NIBAN2: variants seen among roughly 807,000 people sequenced by gnomAD.
NIBAN2 encodes the protein protein Niban 2.
A neutral mutation model predicts 81.8 loss-of-function variants in NIBAN2; 36 were observed. The ratio of observed to expected loss-of-function variants is 0.44; its 90% CI spans 0.34 to 0.58. NIBAN2 has a LOEUF of 0.58. Among genes scored for constraint, NIBAN2 ranks in the 20% least tolerant of loss-of-function variants. The pLI, the probability that NIBAN2 is intolerant of heterozygous loss-of-function variation, is 0.02. For synonymous variants in NIBAN2, 445 were observed against 441.6 expected, an observed-to-expected ratio of 1.01 and a Z score of -0.10; for missense variants, 897 against 1,014.1, an observed-to-expected ratio of 0.88 and a Z score of 1.57.
intron 1 of NIBAN2, among the ~76,000 whole-genome samples, chr9:127,564,292 C>CAA (rs60378955): frequency 1.9e-4 from 20 of 102,756 alleles, no homozygotes; most frequent in Admixed American, 3.1e-4. Context: ...GACTCTGTAT[C>CAA]AAAAAAAAAA....
At chr9:127,567,235 A>T (rs1837873817) in intron 1 of NIBAN2, among the ~76,000 whole-genome samples, 1 of 152,028 alleles carries the variant, frequency 6.6e-6, no homozygotes, top group Non-Finnish European at 1.5e-5. Context: ...GGCACACCCC[A>T]CCCAGGCCCC....
chr9:127,521,723 GA>G (rs1564300576), intron 5 of NIBAN2, among the ~76,000 whole-genome samples: 1 of 152,176 alleles, frequency 6.6e-6, no homozygotes, highest in African/African-American at 2.4e-5. Flanking sequence ...CACCCGGCAG[GA>G]CACCTTCCTG....
At position 127,507,271 on chromosome 9, in the gene NIBAN2, G is replaced by A. The variant is rs374077953; in HGVS notation, c.1815C>T (p.Ser605=). 115 of 1,595,668 alleles carry A rather than the reference G, an allele frequency of 7.2e-5. No individual in the cohort carries two copies. The highest frequency in any genetic ancestry group is 9.4e-5 in the Non-Finnish European group (110 of 1,168,160). ...CCGAGAGGGTGGCTGACTCCGGGGT[G>A]CTGGGGCTGGGGCTGCCGCCCCCGC... ...NSGGGGSPSP[S]TPESATLSEK... Residue 605 remains serine, a synonymous_variant, in exon 14 of 14, where the codon AGC becomes AGT. Coordinates refer to ENST00000373312, the MANE Select transcript of NIBAN2 (RefSeq NM_022833.4). The surrounding 1 kb of genome is among the most constrained non-coding windows in gnomAD (Gnocchi z 6.8).
rs769862019 is a variant in NIBAN2, at chr9:127,507,142, G to A, written c.1944C>T (p.Asp648=). The A allele has an allele frequency of 1.1e-5, 18 of 1,604,298 alleles. No homozygotes were observed. Among genetic ancestry groups the A allele is most frequent in the African/African-American group, 5.3e-5 (4 of 74,780 alleles). The change falls in exon 14 of 14, where the codon GAC becomes GAT. Residue 648 remains aspartate (D), a synonymous_variant. Coordinates refer to ENST00000373312, the MANE Select transcript of NIBAN2 (RefSeq NM_022833.4). The surrounding 1 kb of genome is among the most constrained non-coding windows in gnomAD (Gnocchi z 6.8). ...GCAGGCCTCGGATCTCAGTGACACC[G>A]TCCGGGGACGCAGGTGGTGGTGACT... ...SPESPPPASP[D]GVTEIRGLLA...
intron 1 of NIBAN2, among the ~76,000 whole-genome samples, chr9:127,544,488 TA>T (rs936466902): frequency 6.6e-6 from 1 of 152,096 alleles, no homozygotes; most frequent in Non-Finnish European, 1.5e-5. Context: ...TTTTTTCTTT[TA>T]TTTTTTTAAT....
chr9:127,525,868 C>T (rs1837053164), intron 3 of NIBAN2, among the ~76,000 whole-genome samples: 2 of 152,160 alleles, frequency 1.3e-5, no homozygotes, highest in African/African-American at 4.8e-5. Flanking sequence ...CCACCAATTT[C>T]CTAGGTTCTG....
intron 3 of NIBAN2, among the ~76,000 whole-genome samples, chr9:127,525,764 A>G (rs1837050987): frequency 6.6e-6 from 1 of 152,240 alleles, no homozygotes; most frequent in South Asian, 2.1e-4. Context: ...ATCACCCCCA[A>G]CTTCACACAG....
chr9:127,543,946 C>T (rs1178397112), intron 1 of NIBAN2, among the ~76,000 whole-genome samples: 1 of 152,170 alleles, frequency 6.6e-6, no homozygotes, highest in African/African-American at 2.4e-5. Context: ...TTCATTTAAC[C>T]CTCACTGGGA....
In NIBAN2 at chr9:127,536,522, C is replaced by CGTCACGGCCTGGG. The variant is rs1837281679; in HGVS notation, c.56-4745_56-4744insCCCAGGCCGTGAC. Among the ~76,000 whole-genome samples the CGTCACGGCCTGGG allele has an allele frequency of 6.6e-6, 1 of 152,214 alleles. No individual in the cohort carries two copies. Among genetic ancestry groups the CGTCACGGCCTGGG allele is most frequent in the Admixed American group, 6.5e-5 (1 of 15,286 alleles). ...TTTTACAACTCAAATTCCCACATGGCGTCCCGGCCTGGGTGTCTGTGGGGG... is the reference window on the plus strand; with the variant it reads ...TTTTACAACTCAAATTCCCACATGGCGTCACGGCCTGGGGTCCCGGCCTGGGTGTCTGTGGGGG... On this transcript the variant is annotated intron_variant, in intron 1 of 13. Coordinates refer to ENST00000373312, the MANE Select transcript of NIBAN2 (RefSeq NM_022833.4). The surrounding 1 kb of genome is among the most constrained non-coding windows in gnomAD (Gnocchi z 4.0).
At chr9:127,578,869 C>CA in intron 1 of NIBAN2, 2 of 1,583,812 alleles carry the variant, frequency 1.3e-6, no homozygotes, top group Non-Finnish European at 1.7e-6. Context: ...AACAAACAAA[C>CA]AAAAAAGAAC....
intron 1 of NIBAN2, among the ~76,000 whole-genome samples, chr9:127,565,469 T>G (rs1837841898): frequency 6.6e-6 from 1 of 152,044 alleles, no homozygotes; most frequent in South Asian, 2.1e-4. Context: ...GTGGCTGAAT[T>G]GTATGGTAGG....
Position 127,557,379 on chromosome 9 carries a change from CAGG to C in NIBAN2, c.55+11438_55+11440del, listed in dbSNP as rs148679548. On this transcript the variant is annotated intron_variant, in intron 1 of 13. Transcript: ENST00000373312. ...GGGAAACTGAGGCTTGGAGGAGAGG[CAGG>C]AGTTCACCCAAGGCCACAGAGGTCT... is the stretch of plus-strand genomic sequence containing the variant. Among the ~76,000 whole-genome samples the C allele has an allele frequency of 4.1e-3, 624 of 152,024 alleles. 3 individuals are homozygous for C. The highest frequency in any genetic ancestry group is 6.5e-3 in the Non-Finnish European group (445 of 67,958).
At chr9:127,520,485 A>G (rs1836917115) in intron 5 of NIBAN2, among the ~76,000 whole-genome samples, 1 of 151,954 alleles carries the variant, frequency 6.6e-6, no homozygotes, top group Middle Eastern at 3.2e-3. Context: ...AGATCCACCC[A>G]CCTCAGCCTC....
rs1836707837 is a variant in NIBAN2, at chr9:127,510,188, G to A, written c.1119C>T (p.Asn373=). Residue 373 remains asparagine (N), a synonymous_variant, in exon 9 of 14, where the codon AAC becomes AAT. Transcript: ENST00000373312. ...DVFFKEVTDM[N]LNVINEGGID... The stretch of plus-strand genomic sequence containing the variant: ...TGCCGCCCTCGTTGATGACGTTCAG[G>A]TTCATGTCCGTGACCTCCTTGAAGA... The A allele has an allele frequency of 6.2e-7, 1 of 1,613,998 alleles. No individual in the cohort carries two copies. The highest frequency in any genetic ancestry group is 1.7e-5 in the Admixed American group (1 of 60,002).
intron 5 of NIBAN2, among the ~76,000 whole-genome samples, chr9:127,520,911 A>G (rs1836928846): frequency 6.6e-6 from 1 of 152,120 alleles, no homozygotes. Context: ...AAAAAGAAAA[A>G]AAGAAAAGTA....
intron 5 of NIBAN2, among the ~76,000 whole-genome samples, chr9:127,522,024 G>A (rs75249885): frequency 2.6e-5 from 4 of 152,142 alleles, no homozygotes; most frequent in Admixed American, 2.6e-4. Context: ...TGCCAGGCCA[G>A]GTCAGCCGTT....
intron 1 of NIBAN2, among the ~76,000 whole-genome samples, chr9:127,540,214 C>T (rs1837352155): frequency 6.6e-6 from 1 of 152,208 alleles, no homozygotes; most frequent in South Asian, 2.1e-4. Flanking sequence ...CACGCTACTT[C>T]CTGTGCAGAT....
At chr9:127,557,801 G>T in intron 1 of NIBAN2, among the ~76,000 whole-genome samples, 1 of 152,216 alleles carries the variant, frequency 6.6e-6, no homozygotes, top group East Asian at 1.9e-4. Flanking sequence ...AGTTGGCCTC[G>T]GGTCAGGGTG....
intron 1 of NIBAN2, among the ~76,000 whole-genome samples, chr9:127,554,545 TTTC>T (rs1837631982): frequency 8.6e-6 from 1 of 116,630 alleles, no homozygotes. Context: ...TCTTTTTCTT[TTTC>T]TTTTTTTTTT....
Sources: gnomAD v4.1 joint callset for allele counts (sites outside exome capture counted in the v4.1 genomes callset) on GRCh38, gnomAD v4.1.1 for gene constraint, Gnocchi (gnomAD v3.1) non-coding constraint, MANE v1.5 for transcripts, NCBI Gene and HGNC (gene_info 2026-07-23, HGNC 2026-07-21) for gene names.